The following TESC variants were observed in gnomAD, a reference collection of about 807,000 sequenced individuals.
TESC encodes the protein calcineurin B homologous protein 3.
A neutral mutation model predicts 31.0 loss-of-function variants in TESC; 19 were observed. That is an observed-to-expected ratio of 0.61 (90% CI 0.43 to 0.90). TESC has a LOEUF of 0.90. Among genes scored for constraint, TESC ranks in the 40% least tolerant of loss-of-function variants. The probability of loss-of-function intolerance (pLI) is 0.00; values close to 1 mark genes in which losing one functional copy is unlikely to be tolerated. For synonymous variants in TESC, 109 were observed against 114.8 expected (o/e 0.95, Z 0.32); for missense variants, 248 against 303.8 (o/e 0.82, Z 1.36).
chr12:117,058,130 G>A (rs1184919407), intron 2 of TESC, among the ~76,000 whole-genome samples: 1 of 152,124 alleles, frequency 6.6e-6, no homozygotes, highest in Non-Finnish European at 1.5e-5. Context: ...TCAGACACAA[G>A]AGTTGCTTGA....
Position 117,093,303 on chromosome 12 carries a change from C to T in TESC, c.58+5922G>A, listed in dbSNP as rs756733365. Reference sequence around the variant, plus strand: ...AGAACCAAGAAGTATTACCCAGGGGCGAGAACGCAGTGGAGAAACCAGCGC... The same window carrying T: ...AGAACCAAGAAGTATTACCCAGGGGTGAGAACGCAGTGGAGAAACCAGCGC... On this transcript the variant is annotated intron_variant, in intron 1 of 7. Coordinates refer to ENST00000335209, the MANE Select transcript of TESC (RefSeq NM_017899.4). Among the ~76,000 whole-genome samples, 8 of 152,350 alleles carry T rather than the reference C, an allele frequency of 5.3e-5. 1 individual carries two copies. The South Asian group carries it at 1.2e-3, about 24-fold the overall frequency.
intron 2 of TESC, among the ~76,000 whole-genome samples, chr12:117,066,817 A>C (rs985047621): frequency 2.0e-5 from 3 of 152,178 alleles, no homozygotes; most frequent in Non-Finnish European, 4.4e-5. Flanking sequence ...CCTCAGCTCT[A>C]AAACCCATCA....
At chr12:117,068,229 G>A (rs1954914154) in intron 2 of TESC, among the ~76,000 whole-genome samples, 1 of 151,766 alleles carries the variant, frequency 6.6e-6, no homozygotes, top group Admixed American at 6.6e-5. Flanking sequence ...ACAGAGCAGT[G>A]GTAAGAACAC....
At chr12:117,062,497 C>T (rs1423185244) in intron 2 of TESC, among the ~76,000 whole-genome samples, 4 of 152,176 alleles carry the variant, frequency 2.6e-5, no homozygotes, top group Non-Finnish European at 4.4e-5. Flanking sequence ...GCTGGGATTA[C>T]AGGTGTGAGC....
At chr12:117,049,542 G>T (rs1246778691) in intron 3 of TESC, among the ~76,000 whole-genome samples, 3 of 152,180 alleles carry the variant, frequency 2.0e-5, no homozygotes, top group Non-Finnish European at 4.4e-5. Context: ...TTAGCTCAGG[G>T]GTTGGCAAAC....
At chr12:117,076,506 G>A (rs942613780) in intron 1 of TESC, among the ~76,000 whole-genome samples, 1 of 152,104 alleles carries the variant, frequency 6.6e-6, no homozygotes, top group African/African-American at 2.4e-5. Context: ...ATGCAGTGGT[G>A]CAATCTCAGC....
chr12:117,063,753 C>T (rs1954831053), intron 2 of TESC, among the ~76,000 whole-genome samples: 4 of 152,190 alleles, frequency 2.6e-5, no homozygotes, highest in African/African-American at 9.7e-5. Flanking sequence ...GATTCCCCTT[C>T]CTGCACTCAC....
intron 3 of TESC, among the ~76,000 whole-genome samples, chr12:117,054,196 CT>C (rs1440174157): frequency 1.3e-5 from 2 of 152,114 alleles, no homozygotes; most frequent in Non-Finnish European, 2.9e-5. Flanking sequence ...CGGGGCACCC[CT>C]GACCCAAGCC....
chr12:117,083,113 T>C (rs1593021296), intron 1 of TESC, among the ~76,000 whole-genome samples: 1 of 150,820 alleles, frequency 6.6e-6, no homozygotes, highest in Non-Finnish European at 1.5e-5. Context: ...TGAAACAGAG[T>C]CTTGCTGTGT....
chr12:117,069,004 C>T (rs978821067), intron 2 of TESC, among the ~76,000 whole-genome samples: 51 of 152,182 alleles, frequency 3.4e-4, no homozygotes, highest in African/African-American at 1.2e-3. Context: ...CTGTGGAGGT[C>T]GCCTCTGCTA....
chr12:117,041,477 C>A (rs553064871), intron 7 of TESC, among the ~76,000 whole-genome samples: 1 of 152,104 alleles, frequency 6.6e-6, no homozygotes, highest in African/African-American at 2.4e-5. Context: ...GGATTACAGG[C>A]GCCTGCCACC....
intron 2 of TESC, among the ~76,000 whole-genome samples, chr12:117,068,066 ATT>A (rs1234155493): frequency 6.6e-6 from 1 of 151,934 alleles, no homozygotes; most frequent in South Asian, 2.1e-4. Flanking sequence ...TCATTTTTAA[ATT>A]TTTTTTGTAG....
At chr12:117,039,617 C>T (rs7979159) in intron 7 of TESC, among the ~76,000 whole-genome samples, 11,422 of 152,180 alleles carry the variant, frequency 0.075, 1,225 homozygotes, top group African/African-American at 0.24. Context: ...CTCTAATGGA[C>T]CCGTCCTCAT....
chr12:117,057,430 C>T (rs918960546), intron 2 of TESC, among the ~76,000 whole-genome samples: 1 of 152,096 alleles, frequency 6.6e-6, no homozygotes, highest in Non-Finnish European at 1.5e-5. Flanking sequence ...AAGAGGTGGA[C>T]TGTACATTCA....
At chr12:117,078,771 A>G (rs1385312566) in intron 1 of TESC, among the ~76,000 whole-genome samples, 2 of 152,198 alleles carry the variant, frequency 1.3e-5, no homozygotes, top group South Asian at 4.1e-4. Flanking sequence ...TTCTCATCTC[A>G]ATACCTGGAT....
intron 3 of TESC, among the ~76,000 whole-genome samples, chr12:117,053,348 C>A (rs1565961833): frequency 6.6e-6 from 1 of 152,352 alleles, no homozygotes; most frequent in East Asian, 1.9e-4. Context: ...TTTCCCCACA[C>A]CCTGTCTCCT....
chr12:117,053,699 A>G (rs1391024987), intron 3 of TESC, among the ~76,000 whole-genome samples: 1 of 152,046 alleles, frequency 6.6e-6, no homozygotes, highest in East Asian at 1.9e-4. Context: ...GTGCCTACAC[A>G]CACCCCCTAA....
chr12:117,085,015 G>A lies in TESC; in HGVS notation c.59-9675C>T, dbSNP rs116717413. ...CTCTGCTAGAAATGCACATCCCCTC[G>A]CCAGGATCCAGGACAGTAAACGCTG... On this transcript the variant is annotated intron_variant, in intron 1 of 7. Coordinates refer to ENST00000335209, the MANE Select transcript of TESC (RefSeq NM_017899.4). 4.3e-3 allele frequency among the ~76,000 whole-genome samples: 660 copies of A among 152,316 alleles called. 6 individuals are homozygous for A. The highest frequency in any genetic ancestry group is 0.016 in the African/African-American group (646 of 41,570).
Position 117,049,093 on chromosome 12 carries a change from A to T in TESC, c.275T>A (p.Met92Lys). ...EINFEDFLTIMSYFRPIDTTM... is the reference protein window; with the variant it reads ...EINFEDFLTIKSYFRPIDTTM... The stretch of plus-strand genomic sequence containing the variant: ...GGTGTCGATGGGCCGGAAGTAGGAC[A>T]TGATGGTCAGGAAGTCCTCGAAATT... Residue 92 changes from methionine (M) to lysine (K), a missense_variant, in exon 4 of 8, where the codon ATG (methionine) becomes AAG (lysine). Met to Lys is a moderately conservative substitution (Grantham distance 95). Coordinates refer to ENST00000335209, the MANE Select transcript of TESC (RefSeq NM_017899.4). 6.2e-7 allele frequency: 1 copy of T among 1,614,240 alleles called. No individual in the cohort carries two copies.
Sources: allele counts gnomAD v4.1 joint callset (sites outside exome capture counted in the v4.1 genomes callset), GRCh38; gene constraint gnomAD v4.1.1; transcripts MANE v1.5; gene names NCBI Gene and HGNC (gene_info 2026-07-23, HGNC 2026-07-21).